The following SRBD1 variants were observed in gnomAD, a reference collection of about 807,000 sequenced individuals.
The protein encoded by SRBD1 is S1 RNA binding domain 1, also known as S1 RNA-binding domain-containing protein 1.
A neutral mutation model predicts 115.3 loss-of-function variants in SRBD1; 88 were observed. That is an observed-to-expected ratio of 0.76 (90% CI 0.64 to 0.91). SRBD1 has a LOEUF of 0.91. SRBD1 is among the 40% of genes least tolerant of loss of function. SRBD1 has a pLI of 0.00. For missense variants in SRBD1, 1,385 were observed against 1,177.4 expected, an observed-to-expected ratio of 1.18 and a Z score of -2.58; for synonymous variants, 509 against 407.7, an observed-to-expected ratio of 1.25 and a Z score of -2.99.
intron 16 of SRBD1, among the ~76,000 whole-genome samples, chr2:45,440,000 G>T (rs1418964814): frequency 3.3e-5 from 5 of 152,062 alleles, no homozygotes; most frequent in African/African-American, 1.2e-4. Flanking sequence ...CTCACCTCCT[G>T]ACTCTAAAAG....
At position 45,546,747 on chromosome 2, in the gene SRBD1, A is replaced by G; in HGVS notation, c.1859T>C (p.Leu620Pro). The G allele has an allele frequency of 6.2e-7, 1 of 1,614,096 alleles. No homozygotes were observed. The highest frequency in any genetic ancestry group is 8.5e-7 in the Non-Finnish European group (1 of 1,179,952). The change falls in exon 14 of 21, where the codon CTG (leucine) becomes CCG (proline). Residue 620 changes from leucine to proline, a missense_variant. Leu to Pro is a moderately conservative substitution (Grantham distance 98). Coordinates refer to ENST00000263736, the MANE Select transcript of SRBD1 (RefSeq NM_018079.5). ...ATAGCCTTACCAGTAAACAACATCC[A>G]GTGGTGCAAAATAATTCTTCATTAT... ...DLIMKNYFAP[L>P]DVVYCIVSEA... is the part of the protein sequence containing the mutation.
Position 45,585,702 on chromosome 2 carries a change from T to C in SRBD1, c.721A>G (p.Thr241Ala). The change falls in exon 5 of 21, where the codon ACA (threonine) becomes GCA (alanine). Residue 241 changes from threonine to alanine, a missense_variant. Thr to Ala is a moderately conservative substitution (Grantham distance 58, BLOSUM62 0). Transcript: ENST00000263736. Reference sequence around the variant, plus strand: ...CTATAACGTATAATGAAGGGAATTGTGTTATCATCATTAAAGAGACGAATG... The same window carrying C: ...CTATAACGTATAATGAAGGGAATTGCGTTATCATCATTAAAGAGACGAATG... ...NIIRLFNDDN[T>A]IPFIIRYRKE... 1.2e-6 allele frequency: 2 copies of C among 1,612,954 alleles called. No individual in the cohort carries two copies. Among genetic ancestry groups the C allele is most frequent in the Non-Finnish European group, 1.7e-6 (2 of 1,179,732 alleles).
intron 16 of SRBD1, among the ~76,000 whole-genome samples, chr2:45,425,683 G>A (rs1205481551): frequency 6.6e-6 from 1 of 152,180 alleles, no homozygotes; most frequent in East Asian, 1.9e-4. Flanking sequence ...AAGCAGGGTG[G>A]AAAGCGCAAG....
At chr2:45,416,611 T>A (rs13410756) in intron 18 of SRBD1, among the ~76,000 whole-genome samples, 25,815 of 152,186 alleles carry the variant, frequency 0.17, 2,822 homozygotes, top group African/African-American at 0.3. Flanking sequence ...CAGAGCCTGA[T>A]CCCTTGTGTA....
intron 16 of SRBD1, among the ~76,000 whole-genome samples, chr2:45,425,126 G>A (rs1668114796): frequency 6.6e-6 from 1 of 152,042 alleles, no homozygotes; most frequent in Admixed American, 6.6e-5. Context: ...TTTCCTTATT[G>A]TTCAGGCCAC....
intron 9 of SRBD1, among the ~76,000 whole-genome samples, chr2:45,567,195 T>G (rs928149533): frequency 2.0e-5 from 3 of 152,208 alleles, no homozygotes; most frequent in Admixed American, 6.5e-5. Flanking sequence ...TTGAGTAAAA[T>G]TTTAAATATC....
intron 15 of SRBD1, among the ~76,000 whole-genome samples, chr2:45,485,068 C>T (rs1241278603): frequency 6.6e-6 from 1 of 152,124 alleles, no homozygotes; most frequent in Non-Finnish European, 1.5e-5. Context: ...TGGTTGAGTA[C>T]CTGTTTTCAA....
intron 16 of SRBD1, among the ~76,000 whole-genome samples, chr2:45,431,548 T>A (rs1463430472): frequency 6.6e-6 from 1 of 152,098 alleles, no homozygotes; most frequent in Non-Finnish European, 1.5e-5. Context: ...CACCACATGT[T>A]CTCACTCATA....
At chr2:45,586,949 A>AAAATTTTTAAATATTT (rs1320090886) in intron 4 of SRBD1, among the ~76,000 whole-genome samples, 143 of 145,454 alleles carry the variant, frequency 9.8e-4, no homozygotes, top group African/African-American at 3.4e-3. Context: ...AAAATATTTA[A>AAAATTTTTAAATATTT]AATTATTTTA....
chr2:45,550,045 A>G (rs996098080), intron 12 of SRBD1, among the ~76,000 whole-genome samples: 2 of 152,148 alleles, frequency 1.3e-5, no homozygotes, highest in Non-Finnish European at 2.9e-5. Flanking sequence ...TTAAAAGATC[A>G]AAAACATTAG....
chr2:45,462,719 G>C (rs1433072930), intron 16 of SRBD1, among the ~76,000 whole-genome samples: 1 of 151,726 alleles, frequency 6.6e-6, no homozygotes, highest in African/African-American at 2.4e-5. Context: ...CCAGCTACTT[G>C]GGAGGCTGAG....
At chr2:45,522,196 T>C (rs1051626552) in intron 14 of SRBD1, among the ~76,000 whole-genome samples, 2 of 152,090 alleles carry the variant, frequency 1.3e-5, no homozygotes, top group Non-Finnish European at 2.9e-5. Context: ...GAAATTTTTT[T>C]TTTTTGACAG....
intron 18 of SRBD1, among the ~76,000 whole-genome samples, chr2:45,415,864 G>C (rs1037276438): frequency 6.6e-6 from 1 of 151,230 alleles, no homozygotes; most frequent in Non-Finnish European, 1.5e-5. Flanking sequence ...GGGAGGCAGA[G>C]AGAGTTGAAG....
At chr2:45,571,537 A>AC (rs1673016042) in intron 9 of SRBD1, among the ~76,000 whole-genome samples, 1 of 143,802 alleles carries the variant, frequency 7.0e-6, no homozygotes, top group African/African-American at 2.5e-5. Context: ...AAAAAAAAAA[A>AC]AAAAACTGTC....
intron 13 of SRBD1, 140 bp downstream of exon 13, chr2:45,547,382 T>A: frequency 1.5e-6 from 1 of 650,234 alleles, no homozygotes; most frequent in Non-Finnish European, 2.6e-6. Context: ...CTCCAGCAAT[T>A]TGCCCCAGAA....
intron 19 of SRBD1, among the ~76,000 whole-genome samples, chr2:45,401,723 G>C (rs936758795): frequency 6.6e-6 from 1 of 152,186 alleles, no homozygotes; most frequent in Admixed American, 6.5e-5. Context: ...AGGTGTGTTA[G>C]ACATATTCAG....
chr2:45,480,153 G>C (rs929503611), intron 15 of SRBD1, among the ~76,000 whole-genome samples: 2 of 152,174 alleles, frequency 1.3e-5, no homozygotes, highest in African/African-American at 2.4e-5. Context: ...CTCTGATGGA[G>C]ATGTACAAGA....
intron 14 of SRBD1, among the ~76,000 whole-genome samples, chr2:45,524,589 G>A (rs1312918642): frequency 6.6e-6 from 1 of 151,922 alleles, no homozygotes; most frequent in African/African-American, 2.4e-5. Flanking sequence ...GTTAACAAAA[G>A]AAGTATCGAA....
chr2:45,580,233 T>C (rs969691348), intron 6 of SRBD1, among the ~76,000 whole-genome samples: 2 of 152,244 alleles, frequency 1.3e-5, no homozygotes, highest in Admixed American at 6.5e-5. Context: ...TATGCTAAAT[T>C]AGTTGCTTGG....
Sources: allele counts gnomAD v4.1 joint callset (sites outside exome capture counted in the v4.1 genomes callset), GRCh38; gene constraint gnomAD v4.1.1; transcripts MANE v1.5; gene names NCBI Gene and HGNC (gene_info 2026-07-23, HGNC 2026-07-21).